Variants in RPS6KC1 observed in about 807,000 individuals in gnomAD.
RPS6KC1 encodes inactive ribosomal protein S6 kinase delta-1.
In RPS6KC1, 54 loss-of-function variants were observed where a neutral mutation model predicts 103.8. That is an observed-to-expected ratio of 0.52 (90% CI 0.42 to 0.65). RPS6KC1 has a LOEUF of 0.65. Ranked by LOEUF, RPS6KC1 falls within the 30% of genes least tolerant of loss-of-function variation. The pLI is 0.00. For missense variants in RPS6KC1, 1,151 were observed against 1,253.8 expected (o/e 0.92, Z 1.24); for synonymous variants, 439 against 438.7 (o/e 1.00, Z -0.01).
the RPS6KC1 span, among the ~76,000 whole-genome samples, chr1:213,844,172 G>A: frequency 4.3e-4 from 65 of 152,094 alleles, no homozygotes; most frequent in African/African-American, 1.5e-3. Flanking sequence ...TCTCAAGTAT[G>A]GTTATCAAAA....
At chr1:213,388,354 T>TGGGCTG in the RPS6KC1 span, among the ~76,000 whole-genome samples, 1 of 152,240 alleles carries the variant, frequency 6.6e-6, no homozygotes, top group Non-Finnish European at 1.5e-5. Flanking sequence ...CCTGTTCTCT[T>TGGGCTG]GGGCTGCTAC....
the RPS6KC1 span, among the ~76,000 whole-genome samples, chr1:213,749,303 C>T: frequency 7.9e-5 from 12 of 152,112 alleles, no homozygotes; most frequent in African/African-American, 2.4e-4. Context: ...GGTAGGACAT[C>T]GAAGAAGCCT....
At chr1:213,393,417 C>T in the RPS6KC1 span, among the ~76,000 whole-genome samples, 29 of 152,216 alleles carry the variant, frequency 1.9e-4, no homozygotes, top group African/African-American at 6.3e-4. Context: ...CCCTTCACTC[C>T]GAAGTTCAAA....
chr1:213,647,188 G>A, the RPS6KC1 span, among the ~76,000 whole-genome samples: 1 of 152,126 alleles, frequency 6.6e-6, no homozygotes, highest in African/African-American at 2.4e-5. Flanking sequence ...TGTGATTACA[G>A]GTATGAGCCA....
chr1:213,394,553 T>C, the RPS6KC1 span, among the ~76,000 whole-genome samples: 217 of 152,216 alleles, frequency 1.4e-3, 9 homozygotes, highest in Non-Finnish European at 1.4e-3. Context: ...GCTCTACGCC[T>C]TATAGAGTGC....
the RPS6KC1 span, among the ~76,000 whole-genome samples, chr1:213,634,285 A>G: frequency 1.3e-5 from 2 of 152,208 alleles, no homozygotes; most frequent in African/African-American, 4.8e-5. Flanking sequence ...CATTCTTCTC[A>G]GCACCACATT....
chr1:213,760,784 T>C, the RPS6KC1 span, among the ~76,000 whole-genome samples: 1 of 151,720 alleles, frequency 6.6e-6, no homozygotes, highest in Admixed American at 6.6e-5. Context: ...TAAACACTAA[T>C]ACTAAGGCTG....
the RPS6KC1 span, among the ~76,000 whole-genome samples, chr1:213,519,916 G>A: frequency 6.6e-6 from 1 of 152,124 alleles, no homozygotes; most frequent in East Asian, 1.9e-4. Context: ...CTGTGAGCTG[G>A]GAAGTTTTTC....
At chr1:213,369,026 A>G in the RPS6KC1 span, among the ~76,000 whole-genome samples, 2 of 152,164 alleles carry the variant, frequency 1.3e-5, no homozygotes. Flanking sequence ...AACTTACTTT[A>G]TGTTAGAGAT....
the RPS6KC1 span, among the ~76,000 whole-genome samples, chr1:213,659,760 G>A: frequency 1.3e-5 from 2 of 151,830 alleles, no homozygotes; most frequent in Admixed American, 6.6e-5. Flanking sequence ...GTGCATATGT[G>A]CCTGTAAGTG....
chr1:213,435,218 A>C, the RPS6KC1 span, among the ~76,000 whole-genome samples: 1 of 152,138 alleles, frequency 6.6e-6, no homozygotes, highest in African/African-American at 2.4e-5. Context: ...TCTTTCTAGA[A>C]ATTTATCTTT....
chr1:213,564,247 T>G, the RPS6KC1 span, among the ~76,000 whole-genome samples: 1 of 152,344 alleles, frequency 6.6e-6, no homozygotes, highest in South Asian at 2.1e-4. Flanking sequence ...AGGCATATTT[T>G]TTCTCAGCAC....
chr1:213,324,593 CTT>C, the RPS6KC1 span, among the ~76,000 whole-genome samples: 23,080 of 81,882 alleles, frequency 0.28, 2,348 homozygotes, highest in Middle Eastern at 0.31. Context: ...GCTCGATATG[CTT>C]TTTTTTTTTT....
downstream of RPS6KC1, among the ~76,000 whole-genome samples, chr1:213,275,773 G>A (rs554187140): frequency 5.1e-4 from 77 of 152,178 alleles, no homozygotes; most frequent in Middle Eastern, 0.01. Flanking sequence ...ACAATATGTC[G>A]TTAACTGTAG....
At chr1:213,845,654 AT>A in the RPS6KC1 span, among the ~76,000 whole-genome samples, 2 of 152,174 alleles carry the variant, frequency 1.3e-5, no homozygotes, top group Admixed American at 6.5e-5. Context: ...GCAACTTTTG[AT>A]AGGTACTAGA....
the RPS6KC1 span, among the ~76,000 whole-genome samples, chr1:213,769,353 G>A: frequency 1.3e-5 from 2 of 151,828 alleles, no homozygotes; most frequent in African/African-American, 4.9e-5. Flanking sequence ...CGATAGTATG[G>A]GAGGAGACCC....
chr1:213,640,427 T>C, the RPS6KC1 span, among the ~76,000 whole-genome samples: 24 of 151,860 alleles, frequency 1.6e-4, no homozygotes, highest in Admixed American at 1.5e-3. Context: ...ACCTTTGTTA[T>C]TTACTTTCTT....
the RPS6KC1 span, among the ~76,000 whole-genome samples, chr1:213,854,546 TTCTTTCTTTCTTTCTTTC>T: frequency 6.8e-5 from 7 of 103,680 alleles, no homozygotes; most frequent in East Asian, 3.1e-4. Flanking sequence ...CTTTCTTTCT[TTCTTTCTTTCTTTCTTTC>T]TCTCTCTCTC....
chr1:213,160,903 C>T (rs755267070), intron 6 of RPS6KC1, among the ~76,000 whole-genome samples: 3 of 151,786 alleles, frequency 2.0e-5, no homozygotes, highest in Admixed American at 6.6e-5. Context: ...ACATAAATGA[C>T]GAATTAATGG....
Sources: allele counts gnomAD v4.1 joint callset (sites outside exome capture counted in the v4.1 genomes callset), GRCh38; gene constraint gnomAD v4.1.1; transcripts MANE v1.5; gene names NCBI Gene and HGNC (gene_info 2026-07-23, HGNC 2026-07-21).